Variants in PDZRN3 observed in about 807,000 individuals in gnomAD.
The protein encoded by PDZRN3 is PDZ domain containing ring finger 3, also known as E3 ubiquitin-protein ligase PDZRN3.
A neutral mutation model predicts 85.7 loss-of-function variants in PDZRN3; 38 were observed. That is an observed-to-expected ratio of 0.44 (90% CI 0.34 to 0.58). The LOEUF (loss-of-function observed/expected upper bound fraction) is 0.58. Ranked by LOEUF, PDZRN3 falls within the 20% of genes least tolerant of loss-of-function variation. The pLI is 0.01. For missense variants in PDZRN3, 1,629 were observed against 1,506.4 expected (o/e 1.08, Z -1.35); for synonymous variants, 759 against 638.0 (o/e 1.19, Z -2.86).
In PDZRN3 at chr3:73,600,333, A is replaced by ACT. The variant is rs1415189079; in HGVS notation, c.918+2020_918+2021insAG. Reference sequence around the variant, plus strand: ...CACACACACACACACACACACACACACACACTCTCTCTCTCTCTCTCTCTC... The same window carrying ACT: ...CACACACACACACACACACACACACACTCACACTCTCTCTCTCTCTCTCTCTC... On this transcript the variant is annotated intron_variant, in intron 3 of 9. Transcript: ENST00000263666. Among the ~76,000 whole-genome samples the ACT allele has an allele frequency of 1.8e-3, 68 of 38,468 alleles. No homozygotes were observed. In the South Asian group the frequency reaches 0.039, roughly 22 times the overall value. The allele number at this position is 38,468 out of a possible 152,430, so 25.2% of individuals were successfully genotyped here.
In PDZRN3 at chr3:73,609,465, A is replaced by G. The variant is rs575587469; in HGVS notation, c.724-781T>C. Among the ~76,000 whole-genome samples the G allele has an allele frequency of 2.6e-5, 4 of 152,332 alleles. No individual in the cohort carries two copies. In the East Asian group the frequency reaches 7.7e-4, roughly 29 times the overall value. ...CAAGTGACAGCAGACAGATAAAAAT[A>G]GATTTAACCTTATGTGAAAACTGTC... On this transcript the variant is annotated intron_variant, in intron 1 of 9. Transcript: ENST00000263666.
chr3:73,415,828 A>G lies in PDZRN3; in HGVS notation c.919-11433T>C, dbSNP rs544870598. Among the ~76,000 whole-genome samples the G allele has an allele frequency of 9.8e-4, 150 of 152,302 alleles. 1 individual carries two copies. Among genetic ancestry groups the G allele is most frequent in the Non-Finnish European group, 1.3e-3 (87 of 68,018 alleles). On this transcript the variant is annotated intron_variant, in intron 3 of 9. Coordinates refer to ENST00000263666, the MANE Select transcript of PDZRN3 (RefSeq NM_015009.3). ...CGTAAGTTAAGGAACACCTGTACAT[A>G]TGTGTAATGAAGTGATTACTACAGT... is the stretch of plus-strand genomic sequence containing the variant.
chr3:73,386,826 G>C (rs1701402682), intron 8 of PDZRN3, among the ~76,000 whole-genome samples: 1 of 150,840 alleles, frequency 6.6e-6, no homozygotes, highest in Admixed American at 6.6e-5. Context: ...CATCTGTGGA[G>C]AATCAGATGC....
intron 3 of PDZRN3, among the ~76,000 whole-genome samples, chr3:73,562,981 A>G (rs139588426): frequency 1.7e-4 from 10 of 57,768 alleles, no homozygotes; most frequent in African/African-American, 7.8e-4. Flanking sequence ...CAAGTTGGCA[A>G]ATTATATATA....
At chr3:73,587,144 T>C (rs1446690336) in intron 3 of PDZRN3, among the ~76,000 whole-genome samples, 2 of 152,214 alleles carry the variant, frequency 1.3e-5, no homozygotes, top group Non-Finnish European at 2.9e-5. Context: ...TTTCAAACTG[T>C]GGGCCACTGC....
chr3:73,594,356 A>C (rs1702403675), intron 3 of PDZRN3, among the ~76,000 whole-genome samples: 1 of 149,810 alleles, frequency 6.7e-6, no homozygotes, highest in African/African-American at 2.4e-5. Context: ...AGAAGAAAAC[A>C]GATCTCAGAA....
chr3:73,614,488 T>C (rs898339895), intron 1 of PDZRN3, among the ~76,000 whole-genome samples: 1 of 152,216 alleles, frequency 6.6e-6, no homozygotes, highest in Admixed American at 6.5e-5. Flanking sequence ...TGATGTCTGT[T>C]GTGGGACTCA....
chr3:73,554,796 T>C (rs891493329), intron 3 of PDZRN3, among the ~76,000 whole-genome samples: 1 of 152,274 alleles, frequency 6.6e-6, no homozygotes, highest in Non-Finnish European at 1.5e-5. Context: ...GAGAAGTTAC[T>C]GTCCATGATG....
At chr3:73,396,424 T>C (rs1701638210) in intron 5 of PDZRN3, among the ~76,000 whole-genome samples, 1 of 152,008 alleles carries the variant, frequency 6.6e-6, no homozygotes, top group Non-Finnish European at 1.5e-5. Flanking sequence ...GGAAAAGTAA[T>C]GAGGAAGCCA....
Position 73,384,167 on chromosome 3 carries a change from G to T in PDZRN3, c.2399C>A (p.Ala800Asp). 1.2e-6 allele frequency: 2 copies of T among 1,614,056 alleles called. No individual in the cohort carries two copies. Among genetic ancestry groups the T allele is most frequent in the Middle Eastern group, 1.6e-4 (1 of 6,062 alleles). The change falls in exon 10 of 10, where the codon GCC becomes GAC. Residue 800 changes from alanine (A) to aspartate (D), a missense_variant. Physicochemically the swap from Ala to Asp is moderately radical, Grantham distance 126. Transcript: ENST00000263666. Reference sequence around the variant, plus strand: ...CAGATTCTTGGAGGCTGGCCCGTAGGCTTCCGTGGTCCCCACAGCCCCTTC... The same window carrying T: ...CAGATTCTTGGAGGCTGGCCCGTAGTCTTCCGTGGTCCCCACAGCCCCTTC... ...SSEGAVGTTEAYGPASKNLLS... is the reference protein window; with the variant it reads ...SSEGAVGTTEDYGPASKNLLS...
At chr3:73,428,062 G>A (rs1575647057) in intron 3 of PDZRN3, among the ~76,000 whole-genome samples, 1 of 152,150 alleles carries the variant, frequency 6.6e-6, no homozygotes, top group African/African-American at 2.4e-5. Flanking sequence ...GAAGGAATAA[G>A]GTGGGTTCTG....
intron 3 of PDZRN3, among the ~76,000 whole-genome samples, chr3:73,408,901 A>G (rs75704973): frequency 0.018 from 2,741 of 152,118 alleles, 72 homozygotes; most frequent in African/African-American, 0.063. Context: ...ACATTACACA[A>G]AACAGTGGTG....
chr3:73,542,781 AT>A (rs1239577664), intron 3 of PDZRN3, among the ~76,000 whole-genome samples: 4 of 152,020 alleles, frequency 2.6e-5, no homozygotes, highest in Non-Finnish European at 1.5e-5. Context: ...TCTCAAAAAA[AT>A]AAAATAAAAT....
rs34405662 is a variant in PDZRN3 at position 73,600,337 on chromosome 3, A to ACACACACACTCTCTCTCTCTCT, written c.918+2016_918+2017insAGAGAGAGAGAGAGTGTGTGTG. On this transcript the variant is annotated intron_variant, in intron 3 of 9. Coordinates refer to ENST00000263666, the MANE Select transcript of PDZRN3 (RefSeq NM_015009.3). ...CACACACACACACACACACACACAC[A>ACACACACACTCTCTCTCTCTCT]CTCTCTCTCTCTCTCTCTCTCTCTC... Among the ~76,000 whole-genome samples the ACACACACACTCTCTCTCTCTCT allele has an allele frequency of 9.7e-4, 97 of 100,068 alleles. 1 individual carries two copies. Among genetic ancestry groups the ACACACACACTCTCTCTCTCTCT allele is most frequent in the Non-Finnish European group, 1.3e-3 (70 of 52,262 alleles). The allele number at this position is 100,068 out of a possible 152,430, so 65.6% of individuals were successfully genotyped here.
intron 3 of PDZRN3, among the ~76,000 whole-genome samples, chr3:73,529,751 C>T (rs781078068): frequency 1.3e-5 from 2 of 152,226 alleles, no homozygotes; most frequent in Non-Finnish European, 2.9e-5. Context: ...GATTGACTTA[C>T]TCATTAATTC....
rs920535596 is a variant in PDZRN3 at position 73,392,826 on chromosome 3, G to A, written c.1255-1710C>T. 2.0e-5 allele frequency among the ~76,000 whole-genome samples: 3 copies of A among 152,234 alleles called. No individual in the cohort carries two copies. In the South Asian group the frequency reaches 6.2e-4, roughly 32 times the overall value. On this transcript the variant is annotated intron_variant, in intron 5 of 9. Coordinates refer to ENST00000263666, the MANE Select transcript of PDZRN3 (RefSeq NM_015009.3). ...CCATTAATTTCTGATAATTAAGTGG[G>A]TTTAAGGGTCATATTTAACAATGAG...
At chr3:73,509,227 A>C (rs1704119648) in intron 3 of PDZRN3, among the ~76,000 whole-genome samples, 1 of 152,228 alleles carries the variant, frequency 6.6e-6, no homozygotes, top group South Asian at 2.1e-4. Flanking sequence ...TGAGGAAGTG[A>C]CTTTGCCCTC....
At chr3:73,609,262 A>C (rs935649726) in intron 1 of PDZRN3, among the ~76,000 whole-genome samples, 1 of 152,180 alleles carries the variant, frequency 6.6e-6, no homozygotes, top group Non-Finnish European at 1.5e-5. Context: ...TCACAAAGTA[A>C]TTACTGTCCA....
At chr3:73,414,659 C>T (rs1402401954) in intron 3 of PDZRN3, among the ~76,000 whole-genome samples, 1 of 152,162 alleles carries the variant, frequency 6.6e-6, no homozygotes, top group East Asian at 1.9e-4. Flanking sequence ...TTTAAAAGAG[C>T]CTGGTGCCAG....
Sources: allele counts gnomAD v4.1 joint callset (sites outside exome capture counted in the v4.1 genomes callset), GRCh38; gene constraint gnomAD v4.1.1; transcripts MANE v1.5; gene names NCBI Gene and HGNC (gene_info 2026-07-23, HGNC 2026-07-21).